LPP: variants seen among roughly 807,000 people sequenced by gnomAD.
LPP encodes the protein lipoma-preferred partner.
Under a neutral mutation model 60.4 loss-of-function variants are expected in LPP, and 38 were observed. That is an observed-to-expected ratio of 0.63 (90% CI 0.49 to 0.83). LPP has a LOEUF of 0.83. LPP is among the 40% of genes least tolerant of loss of function. LPP has a pLI of 0.00. For missense variants in LPP, 902 were observed against 783.6 expected, an observed-to-expected ratio of 1.15 and a Z score of -1.80; for synonymous variants, 328 against 290.8, an observed-to-expected ratio of 1.13 and a Z score of -1.30.
In LPP at chr3:188,513,663, T is replaced by A. The variant is rs187781453; in HGVS notation, c.307-11002T>A. Among the ~76,000 whole-genome samples, 34 of 152,154 alleles carry A rather than the reference T, an allele frequency of 2.2e-4. 1 individual carries two copies. The East Asian group carries it at 6.0e-3, about 27-fold the overall frequency. ...ATTTTTATTTTATAAGGATTGGAAT[T>A]CAGTAGAAATCATTCAACGAGTAGG... On this transcript the variant is annotated intron_variant, in intron 5 of 11. Coordinates refer to ENST00000617246, the MANE Select transcript of LPP (RefSeq NM_001375462.1).
intron 1 of LPP, among the ~76,000 whole-genome samples, chr3:188,214,118 CTT>C (rs890679176): frequency 6.8e-6 from 1 of 147,106 alleles, no homozygotes; most frequent in African/African-American, 2.5e-5. Context: ...TTCAGATCAA[CTT>C]TTTTTTTTTT....
At chr3:188,268,035 T>C (rs1291706700) in intron 2 of LPP, among the ~76,000 whole-genome samples, 1 of 138,494 alleles carries the variant, frequency 7.2e-6, no homozygotes, top group African/African-American at 3.0e-5. Flanking sequence ...TTTTTTTTTT[T>C]TTTTTGCTGA....
intron 1 of LPP, among the ~76,000 whole-genome samples, chr3:188,162,151 C>A (rs1366757590): frequency 6.6e-6 from 1 of 152,156 alleles, no homozygotes; most frequent in Non-Finnish European, 1.5e-5. Context: ...TATTTCATAG[C>A]CTTCATAGCA....
chr3:188,251,483 A>T (rs569946354), intron 2 of LPP, among the ~76,000 whole-genome samples: 1 of 152,080 alleles, frequency 6.6e-6, no homozygotes, highest in Non-Finnish European at 1.5e-5. Flanking sequence ...AGCCTCTTTC[A>T]ATGACTGGAG....
At chr3:188,687,856 C>G (rs986668933) in intron 7 of LPP, among the ~76,000 whole-genome samples, 12 of 150,356 alleles carry the variant, frequency 8.0e-5, no homozygotes, top group Non-Finnish European at 1.5e-4. Context: ...CTCACTGCAA[C>G]CTCCACCTCC....
At chr3:188,647,183 T>G (rs1042859574) in intron 7 of LPP, among the ~76,000 whole-genome samples, 3 of 152,230 alleles carry the variant, frequency 2.0e-5, no homozygotes, top group African/African-American at 7.2e-5. Context: ...GTGAACACAC[T>G]GCATTTCCCA....
chr3:188,273,585 A>G (rs1394698630), intron 2 of LPP, among the ~76,000 whole-genome samples: 1 of 92,358 alleles, frequency 1.1e-5, no homozygotes, highest in Non-Finnish European at 2.1e-5. Context: ...TGGCTATTTT[A>G]TATCTTTTTT....
chr3:188,755,528 G>T (rs1221975748), intron 8 of LPP, among the ~76,000 whole-genome samples: 1 of 152,102 alleles, frequency 6.6e-6, no homozygotes, highest in Non-Finnish European at 1.5e-5. Context: ...ACCCAGCCTG[G>T]TGCAGTGGTT....
At chr3:188,734,823 G>C (rs1560132031) in intron 8 of LPP, among the ~76,000 whole-genome samples, 3 of 152,202 alleles carry the variant, frequency 2.0e-5, no homozygotes, top group Admixed American at 1.3e-4. Flanking sequence ...AATTTGAAAA[G>C]AGTCCAGGAG....
chr3:188,301,530 T>A (rs1471749980), intron 2 of LPP, among the ~76,000 whole-genome samples: 2 of 152,226 alleles, frequency 1.3e-5, no homozygotes, highest in African/African-American at 4.8e-5. Context: ...TGAAGAGCTA[T>A]TGTATAGCTT....
chr3:188,870,017 G>C (rs914472938), intron 10 of LPP, among the ~76,000 whole-genome samples: 3 of 152,076 alleles, frequency 2.0e-5, no homozygotes, highest in Non-Finnish European at 4.4e-5. Context: ...AAACTTCTCT[G>C]ATCTCCACCC....
At chr3:188,322,843 A>T (rs1395684276) in intron 2 of LPP, among the ~76,000 whole-genome samples, 1 of 152,236 alleles carries the variant, frequency 6.6e-6, no homozygotes, top group Admixed American at 6.5e-5. Context: ...TGATATGTTA[A>T]TGTATGTGGG....
chr3:188,709,365 A>G (rs1264389382), intron 8 of LPP: 3 of 151,876 alleles, frequency 2.0e-5, no homozygotes, highest in African/African-American at 7.3e-5. Flanking sequence ...ATTTTATTTT[A>G]TTTATTTTTG....
chr3:188,384,299 C>T (rs996947380), intron 3 of LPP, among the ~76,000 whole-genome samples: 7 of 147,242 alleles, frequency 4.8e-5, no homozygotes, highest in African/African-American at 1.8e-4. Flanking sequence ...AGTCTGTTTG[C>T]CTTTTTAGTT....
At chr3:188,776,968 T>G (rs1738002373) in intron 9 of LPP, among the ~76,000 whole-genome samples, 1 of 152,106 alleles carries the variant, frequency 6.6e-6, no homozygotes. Flanking sequence ...CAGGAGAGAA[T>G]AACGACTCCC....
intron 9 of LPP, among the ~76,000 whole-genome samples, chr3:188,844,659 C>G (rs541320187): frequency 6.6e-6 from 1 of 152,180 alleles, no homozygotes; most frequent in South Asian, 2.1e-4. Context: ...TGAGAAGTAT[C>G]TACCATTTTT....
chr3:188,320,993 A>G (rs1756774689), intron 2 of LPP, among the ~76,000 whole-genome samples: 1 of 152,062 alleles, frequency 6.6e-6, no homozygotes, highest in Non-Finnish European at 1.5e-5. Flanking sequence ...GTCCTGTTTG[A>G]TTTTCCTCAT....
intron 4 of LPP, among the ~76,000 whole-genome samples, chr3:188,430,429 T>G (rs995039056): frequency 6.6e-6 from 1 of 152,198 alleles, no homozygotes; most frequent in Non-Finnish European, 1.5e-5. Context: ...TGTTTGTTAT[T>G]TGAGCATTAC....
At chr3:188,498,841 C>G (rs1012419762) in intron 5 of LPP, among the ~76,000 whole-genome samples, 3 of 152,132 alleles carry the variant, frequency 2.0e-5, no homozygotes, top group Non-Finnish European at 4.4e-5. Context: ...TAATAGCCAT[C>G]CTAATGGGTG....
Sources: gnomAD v4.1 joint callset for allele counts (sites outside exome capture counted in the v4.1 genomes callset) on GRCh38, gnomAD v4.1.1 for gene constraint, MANE v1.5 for transcripts, NCBI Gene and HGNC (gene_info 2026-07-23, HGNC 2026-07-21) for gene names.